AOPEP: variants seen among roughly 807,000 people sequenced by gnomAD.
The protein encoded by AOPEP is aminopeptidase O (putative).
Under a neutral mutation model 98.1 loss-of-function variants are expected in AOPEP, and 77 were observed. The observed-to-expected ratio is 0.78, with a 90% CI of 0.65 to 0.95. The LOEUF (loss-of-function observed/expected upper bound fraction) is 0.95. Ranked by LOEUF, AOPEP falls within the 40% of genes least tolerant of loss-of-function variation. The pLI, the probability that AOPEP is intolerant of heterozygous loss-of-function variation, is 0.00. For synonymous variants in AOPEP, 346 were observed against 365.3 expected, an observed-to-expected ratio of 0.95 and a Z score of 0.60; for missense variants, 1,024 against 1,024.7, an observed-to-expected ratio of 1.00 and a Z score of 0.01.
chr9:95,019,018 A>G (rs2063239127), intron 13 of AOPEP: 1 of 152,100 alleles, frequency 6.6e-6, no homozygotes, highest in South Asian at 2.1e-4. Flanking sequence ...AAACATTCCT[A>G]AATTTATTTA....
intron 3 of AOPEP, among the ~76,000 whole-genome samples, chr9:94,776,512 G>T (rs1243802912): frequency 6.6e-6 from 1 of 152,186 alleles, no homozygotes; most frequent in Non-Finnish European, 1.5e-5. Context: ...GTGTTGCCCA[G>T]GCTGGGCTCG....
chr9:95,083,114 C>A (rs920853123), intron 16 of AOPEP: 1 of 184,478 alleles, frequency 5.4e-6, no homozygotes, highest in Non-Finnish European at 1.1e-5. Context: ...ACGGCTGATA[C>A]AGGAGTTTAA....
At chr9:94,970,304 G>A (rs1284066758) in intron 10 of AOPEP, among the ~76,000 whole-genome samples, 1 of 152,094 alleles carries the variant, frequency 6.6e-6, no homozygotes, top group South Asian at 2.1e-4. Context: ...CCTTCTTTAT[G>A]TTGGGAACAT....
chr9:94,825,781 G>A (rs1358952340), intron 5 of AOPEP, among the ~76,000 whole-genome samples: 1 of 152,192 alleles, frequency 6.6e-6, no homozygotes, highest in African/African-American at 2.4e-5. Context: ...AGTTAAGGTT[G>A]TTTCAGCTTT....
intron 6 of AOPEP, among the ~76,000 whole-genome samples, chr9:94,925,929 G>A (rs1266180109): frequency 6.6e-6 from 1 of 152,252 alleles, no homozygotes; most frequent in African/African-American, 2.4e-5. Context: ...CACAGTGCCT[G>A]ACACGTGGAG....
At chr9:95,149,453 AAAAAT>A in the AOPEP span, among the ~76,000 whole-genome samples, 1 of 152,182 alleles carries the variant, frequency 6.6e-6, no homozygotes, top group Non-Finnish European at 1.5e-5. Flanking sequence ...TTAAAAATAA[AAAAAT>A]AAAATGTTTT....
chr9:95,004,369 G>A, intron 11 of AOPEP: 2 of 439,252 alleles, frequency 4.6e-6, no homozygotes, highest in Admixed American at 2.4e-5. Context: ...GGGGGTCCAC[G>A]GCAGTCTGAG....
In AOPEP at chr9:94,887,116, G is replaced by A. The variant is rs554445396; in HGVS notation, c.1365-36870G>A. 6.2e-4 allele frequency among the ~76,000 whole-genome samples: 94 copies of A among 152,082 alleles called. 2 individuals are homozygous for A. The highest frequency in any genetic ancestry group is 4.8e-3 in the South Asian group (23 of 4,808). ...AGCACTTTGGGAGGCCAAGGTGAGT[G>A]GATCCCTTGAGCTCAGGAGTTCGAG... is the stretch of plus-strand genomic sequence containing the variant. On this transcript the variant is annotated intron_variant, in intron 5 of 16. Coordinates refer to ENST00000375315, the MANE Select transcript of AOPEP (RefSeq NM_001193329.3).
intron 2 of AOPEP, among the ~76,000 whole-genome samples, chr9:94,761,727 A>G (rs1287972838): frequency 1.3e-5 from 2 of 152,186 alleles, no homozygotes; most frequent in Non-Finnish European, 2.9e-5. Context: ...TATTTCTGTT[A>G]GAGTCTGAGG....
chr9:95,133,413 T>A, the AOPEP span, among the ~76,000 whole-genome samples: 3 of 152,266 alleles, frequency 2.0e-5, no homozygotes, highest in Non-Finnish European at 4.4e-5. Flanking sequence ...TCTGCACACA[T>A]GATCCCGATA....
the AOPEP span, among the ~76,000 whole-genome samples, chr9:95,092,702 G>C: frequency 6.6e-6 from 1 of 152,180 alleles, no homozygotes; most frequent in East Asian, 1.9e-4. Flanking sequence ...GCTGCCCATG[G>C]TCAGACCCTG....
At chr9:95,121,858 A>ATT in the AOPEP span, among the ~76,000 whole-genome samples, 35 of 138,136 alleles carry the variant, frequency 2.5e-4, no homozygotes, top group African/African-American at 5.4e-4. Flanking sequence ...CATAAAATTC[A>ATT]TTTTTTTTTT....
At chr9:94,811,636 G>A (rs1238051734) in intron 5 of AOPEP, among the ~76,000 whole-genome samples, 1 of 152,242 alleles carries the variant, frequency 6.6e-6, no homozygotes, top group South Asian at 2.1e-4. Flanking sequence ...AGCTCAGCAG[G>A]GTGCACTGCC....
rs2069968234 is a variant in AOPEP, at chr9:95,082,672, T to C, written c.2417T>C (p.Met806Thr). Reference sequence around the variant, plus strand: ...TGCTTCGAGCGGACCAAGGAGCAGATGGATAGGTCCTCAGCCCAGGTGGTG... The same window carrying C: ...TGCTTCGAGCGGACCAAGGAGCAGACGGATAGGTCCTCAGCCCAGGTGGTG... ...RRCFERTKEQ[M>T]DRSSAQVVAE... is the part of the protein sequence containing the mutation. The change falls in exon 16 of 17, where the codon ATG (methionine) becomes ACG (threonine). Residue 806 changes from methionine (M) to threonine (T), a missense_variant. Physicochemically the swap from Met to Thr is moderately conservative, Grantham distance 81. Around this residue, in one of 3 missense-constraint regions of AOPEP, gnomAD observed 566 missense variants for 551.7 expected, o/e 1.03. Transcript: ENST00000375315. The C allele has an allele frequency of 1.2e-6, 2 of 1,614,108 alleles. No individual in the cohort carries two copies. The highest frequency in any genetic ancestry group is 1.7e-6 in the Non-Finnish European group (2 of 1,180,056).
chr9:95,008,120 A>G (rs1027920339), intron 13 of AOPEP, among the ~76,000 whole-genome samples: 2 of 152,188 alleles, frequency 1.3e-5, no homozygotes, highest in African/African-American at 4.8e-5. Flanking sequence ...CATTTCTGGT[A>G]GATGCCGCTT....
chr9:94,924,265 C>CTA, intron 6 of AOPEP, 90 bp downstream of exon 6: 1 of 1,083,316 alleles, frequency 9.2e-7, no homozygotes, highest in Non-Finnish European at 1.2e-6. Flanking sequence ...GACTGAGGGC[C>CTA]TACTATGCAC....
chr9:95,048,894 C>T (rs1014295698), intron 13 of AOPEP: 1 of 152,124 alleles, frequency 6.6e-6, no homozygotes, highest in African/African-American at 2.4e-5. Flanking sequence ...AGGACAAATC[C>T]AGCAGGGAGA....
chr9:94,857,488 C>G (rs1489185123), intron 5 of AOPEP, among the ~76,000 whole-genome samples: 2 of 152,166 alleles, frequency 1.3e-5, no homozygotes, highest in African/African-American at 4.8e-5. Context: ...GCGCATTTTC[C>G]TTGTCTTCTG....
intron 1 of AOPEP, among the ~76,000 whole-genome samples, chr9:94,756,128 C>T (rs1353986196): frequency 1.3e-4 from 19 of 151,766 alleles, no homozygotes; most frequent in African/African-American, 2.7e-4. Context: ...GGTGTGGTGG[C>T]GGGCACCTGT....
Sources: gnomAD v4.1 joint callset for allele counts (sites outside exome capture counted in the v4.1 genomes callset) on GRCh38, gnomAD v4.1.1 for gene constraint, gnomAD v4.1.1 regional missense constraint, MANE v1.5 for transcripts, NCBI Gene and HGNC (gene_info 2026-07-23, HGNC 2026-07-21) for gene names.